RHOF: variants seen among roughly 807,000 people sequenced by gnomAD.
RHOF encodes rho-related GTP-binding protein RhoF.
In RHOF, 21 loss-of-function variants were observed where a neutral mutation model predicts 22.2. The ratio of observed to expected loss-of-function variants is 0.95; its 90% CI spans 0.67 to 1.36. The LOEUF (loss-of-function observed/expected upper bound fraction) is 1.36. Among genes scored for constraint, RHOF ranks in the 40% most tolerant of loss-of-function variants. The pLI is 0.00. For synonymous variants in RHOF, 135 were observed against 131.2 expected (o/e 1.03, Z -0.20); for missense variants, 285 against 293.7 (o/e 0.97, Z 0.22).
rs1415047062 is a variant in RHOF at position 121,779,360 on chromosome 12, C to G, written c.*138G>C. The stretch of plus-strand genomic sequence containing the variant: ...GCCCCAGCCAGGAAAGGAGAGAGTT[C>G]CAGAATGTTCCAAGAGTCTAGCCGC... On this transcript the variant is annotated 3_prime_UTR_variant, in exon 5 of 5. Transcript: ENST00000267205. 1.7e-5 allele frequency: 15 copies of G among 906,424 alleles called. No homozygotes were observed. The highest frequency in any genetic ancestry group is 2.6e-5 in the East Asian group (1 of 37,972). The allele number at this position is 906,424 out of a possible 1,614,324, so 56.1% of individuals were successfully genotyped here.
chr12:121,793,601 G>A lies in RHOF; in HGVS notation c.33C>T (p.Ala11=). The part of the protein sequence containing the change: MDAPGALAQT[A]APGPGRKELK... ...GCTCCTTCCTGCCCGGACCGGGGGC[G>A]GCGGTCTGGGCCAGGGCCCCGGGGG... The change falls in exon 1 of 5, where the codon GCC becomes GCT. Residue 11 remains alanine (A), a synonymous_variant. Coordinates refer to ENST00000267205, the MANE Select transcript of RHOF (RefSeq NM_019034.3). The A allele has an allele frequency of 6.4e-7, 1 of 1,550,926 alleles. No homozygotes were observed. Among genetic ancestry groups the A allele is most frequent in the South Asian group, 1.2e-5 (1 of 84,816 alleles).
rs541097435 is a variant in RHOF at position 121,780,555 on chromosome 12, G to A, written c.471+317C>T. The A allele has an allele frequency of 6.3e-5, 31 of 494,402 alleles. No individual in the cohort carries two copies. In the South Asian group the frequency reaches 1.1e-3, roughly 18 times the overall value. 30.6% of individuals were successfully genotyped at this position (494,402 alleles called of 1,614,324 possible). A position where few individuals can be genotyped will look rare whatever the true frequency, so the allele number is the denominator to read the frequency against. The stretch of plus-strand genomic sequence containing the variant: ...ATAGCACAGACTTTGGATTGCAGTG[G>A]ATGGGACCAGATCCTGGCTCCACTT... On this transcript the variant is annotated intron_variant, in intron 4 of 4. Coordinates refer to ENST00000267205, the MANE Select transcript of RHOF (RefSeq NM_019034.3).
chr12:121,791,660 T>G (rs1035599037), intron 2 of RHOF, among the ~76,000 whole-genome samples: 2 of 152,202 alleles, frequency 1.3e-5, no homozygotes, highest in African/African-American at 4.8e-5. Context: ...CTCTGACATG[T>G]TCCTTGAGCA....
chr12:121,779,740 G>A (rs1445012575), intron 4 of RHOF, 78 bp from the exon 5 acceptor site: 1 of 1,493,696 alleles, frequency 6.7e-7, no homozygotes, highest in Non-Finnish European at 9.2e-7. Flanking sequence ...TTTGGGACTG[G>A]CTCTGAGGAC....
chr12:121,782,380 AGTC>A (rs1874492839), intron 2 of RHOF: 1 of 152,098 alleles, frequency 6.6e-6, no homozygotes, highest in Non-Finnish European at 1.5e-5. Flanking sequence ...CACTGCACTT[AGTC>A]ATCCTGCCCC....
At chr12:121,782,913 C>A in intron 2 of RHOF, 1 of 152,296 alleles carries the variant, frequency 6.6e-6, no homozygotes, top group Non-Finnish European at 1.5e-5. Flanking sequence ...CAAGGCACAC[C>A]ATTGCACTCC....
chr12:121,793,106 T>TCGGG (rs1471207754), intron 2 of RHOF, 46 bp downstream of exon 2: 3 of 1,498,854 alleles, frequency 2.0e-6, no homozygotes, highest in East Asian at 4.9e-5. Context: ...GGGAAACCCT[T>TCGGG]CGGGCGGGCG....
rs138780835 is a variant in RHOF, at chr12:121,789,552, G to A, written c.226+3600C>T. On this transcript the variant is annotated intron_variant, in intron 2 of 4. Transcript: ENST00000267205. The stretch of plus-strand genomic sequence containing the variant: ...GGACCCCAGCTCCAGCTGCGGCGTT[G>A]GTCAGGGAGGGGTACTGGCAGCATG... Among the ~76,000 whole-genome samples the A allele has an allele frequency of 6.0e-4, 91 of 152,322 alleles. No individual in the cohort carries two copies. The East Asian group carries it at 0.016, about 27-fold the overall frequency.
At chr12:121,791,777 A>G (rs1874771079) in intron 2 of RHOF, among the ~76,000 whole-genome samples, 2 of 152,158 alleles carry the variant, frequency 1.3e-5, no homozygotes, top group South Asian at 4.1e-4. Flanking sequence ...ATGGCAGAGG[A>G]GGAGGAAAGA....
At chr12:121,792,137 C>T (rs1874781595) in intron 2 of RHOF, among the ~76,000 whole-genome samples, 1 of 133,104 alleles carries the variant, frequency 7.5e-6, no homozygotes, top group Non-Finnish European at 1.5e-5. Flanking sequence ...CTTTTCGGGT[C>T]CTCTCCAAGG....
intron 2 of RHOF, among the ~76,000 whole-genome samples, chr12:121,788,383 G>A (rs1388309229): frequency 6.6e-6 from 1 of 151,910 alleles, no homozygotes; most frequent in African/African-American, 2.4e-5. Context: ...AGCCAGCTCC[G>A]ACTCCAGCAC....
At chr12:121,787,487 C>G (rs899773674) in intron 2 of RHOF, among the ~76,000 whole-genome samples, 1 of 152,182 alleles carries the variant, frequency 6.6e-6, no homozygotes, top group Admixed American at 6.5e-5. Flanking sequence ...CCTTCCCAAC[C>G]GGGAATTAAC....
intron 2 of RHOF, among the ~76,000 whole-genome samples, chr12:121,788,207 C>G (rs779653825): frequency 1.3e-5 from 2 of 152,176 alleles, no homozygotes; most frequent in Non-Finnish European, 2.9e-5. Context: ...GGCCACACAG[C>G]TAAGGGGAAG....
intron 2 of RHOF, among the ~76,000 whole-genome samples, chr12:121,788,051 C>G (rs925951104): frequency 1.3e-5 from 2 of 152,084 alleles, no homozygotes; most frequent in Admixed American, 6.6e-5. Flanking sequence ...GTGTGTACCA[C>G]TGTGTTACAT....
intron 2 of RHOF, among the ~76,000 whole-genome samples, chr12:121,789,518 AG>A (rs1347570232): frequency 6.6e-6 from 1 of 152,118 alleles, no homozygotes; most frequent in Non-Finnish European, 1.5e-5. Context: ...GAGGACACAC[AG>A]GGCGGGTGGA....
Position 121,793,521 on chromosome 12 carries a change from A to G in RHOF, c.113T>C (p.Val38Ala). Residue 38 changes from valine to alanine, a missense_variant, in exon 1 of 5, where the codon GTG (valine) becomes GCG (alanine). Transcript: ENST00000267205. ...GGCGKTSLLMVYSQGSFPEHY... is the reference protein window; with the variant it reads ...GGCGKTSLLMAYSQGSFPEHY... ...CTCGGGGAAGGAGCCCTGGCTGTAC[A>G]CCATGAGCAGCGAGGTCTTGCCGCA... The G allele has an allele frequency of 6.5e-7, 1 of 1,543,740 alleles. No individual in the cohort carries two copies. The highest frequency in any genetic ancestry group is 8.7e-7 in the Non-Finnish European group (1 of 1,146,950).
chr12:121,791,623 T>A (rs942115409), intron 2 of RHOF, among the ~76,000 whole-genome samples: 1 of 152,202 alleles, frequency 6.6e-6, no homozygotes, highest in African/African-American at 2.4e-5. Flanking sequence ...AACTTGCAGC[T>A]TTCCAGAATC....
chr12:121,781,258 G>C (rs895455941), intron 2 of RHOF, 66 bp from the exon 3 acceptor site: 18 of 1,463,712 alleles, frequency 1.2e-5, no homozygotes, highest in Non-Finnish European at 1.7e-5. Flanking sequence ...ACGGGTGAAG[G>C]GGAAGGGGCC....
At position 121,779,279 on chromosome 12, in the gene RHOF, G is replaced by C; in HGVS notation, c.*219C>G. ...GTCCCGACAACAGACACTGGCTCCT[G>C]CACCCACATCACCACCATGTCCCAG... On this transcript the variant is annotated 3_prime_UTR_variant, in exon 5 of 5. Coordinates refer to ENST00000267205, the MANE Select transcript of RHOF (RefSeq NM_019034.3). The C allele has an allele frequency of 1.7e-6, 1 of 589,198 alleles. No individual in the cohort carries two copies. The highest frequency in any genetic ancestry group is 3.0e-6 in the Non-Finnish European group (1 of 332,988). 36.5% of individuals were successfully genotyped at this position (589,198 alleles called of 1,614,324 possible). A position where few individuals can be genotyped will look rare whatever the true frequency, so the allele number is the denominator to read the frequency against.
Sources: gnomAD v4.1 joint callset for allele counts (sites outside exome capture counted in the v4.1 genomes callset) on GRCh38, gnomAD v4.1.1 for gene constraint, MANE v1.5 for transcripts, NCBI Gene and HGNC (gene_info 2026-07-23, HGNC 2026-07-21) for gene names.